PITPNC1: variants seen among roughly 807,000 people sequenced by gnomAD.
The protein encoded by PITPNC1 is cytoplasmic phosphatidylinositol transfer protein 1.
A neutral mutation model predicts 44.7 loss-of-function variants in PITPNC1; 18 were observed. The ratio of observed to expected loss-of-function variants is 0.40; its 90% CI spans 0.28 to 0.60. PITPNC1 has a LOEUF of 0.60. PITPNC1 is among the 20% of genes least tolerant of loss of function. The probability of loss-of-function intolerance (pLI) is 0.39; values close to 1 mark genes in which losing one functional copy is unlikely to be tolerated. For synonymous variants in PITPNC1, 141 were observed against 149.6 expected (o/e 0.94, Z 0.42); for missense variants, 290 against 418.4 (o/e 0.69, Z 2.68).
At chr17:67,507,683 CAAAA>C (rs59838492) in intron 1 of PITPNC1, among the ~76,000 whole-genome samples, 162 of 79,486 alleles carry the variant, frequency 2.0e-3, no homozygotes, top group African/African-American at 7.6e-3. Context: ...GACTTGGTCT[CAAAA>C]AAAAAAAAAA....
intron 4 of PITPNC1, among the ~76,000 whole-genome samples, chr17:67,560,006 A>G (rs369074390): frequency 6.6e-6 from 1 of 152,260 alleles, no homozygotes; most frequent in Non-Finnish European, 1.5e-5. Flanking sequence ...GAAGCAGTCT[A>G]GAACCATTTA....
At chr17:67,670,736 G>A (rs1162750741) in intron 7 of PITPNC1, among the ~76,000 whole-genome samples, 1 of 118,206 alleles carries the variant, frequency 8.5e-6, no homozygotes, top group African/African-American at 3.5e-5. Context: ...GGGTGACAGA[G>A]CAAGACTCCA....
intron 4 of PITPNC1, among the ~76,000 whole-genome samples, chr17:67,556,517 C>A (rs112210391): frequency 0.013 from 1,931 of 152,188 alleles, 34 homozygotes; most frequent in African/African-American, 0.045. Context: ...GTCTCAGAGA[C>A]TCAAGTACAA....
chr17:67,477,867 G>A (rs747709413), intron 1 of PITPNC1, among the ~76,000 whole-genome samples: 96 of 152,212 alleles, frequency 6.3e-4, no homozygotes, highest in Middle Eastern at 6.8e-3. Flanking sequence ...CTTGCTCATG[G>A]CCAGCTGAGT....
chr17:67,485,719 A>T (rs1293311383), intron 1 of PITPNC1, among the ~76,000 whole-genome samples: 2 of 152,172 alleles, frequency 1.3e-5, no homozygotes, highest in Admixed American at 1.3e-4. Context: ...GTTGAGGGAC[A>T]TTGGAACTAC....
chr17:67,448,811 G>C (rs1266157988), intron 1 of PITPNC1, among the ~76,000 whole-genome samples: 1 of 152,166 alleles, frequency 6.6e-6, no homozygotes, highest in Non-Finnish European at 1.5e-5. Context: ...ATGGGGTCTT[G>C]CTCTGTCACC....
chr17:67,632,325 A>T (rs1185311190), intron 6 of PITPNC1, 87 bp downstream of exon 6: 2 of 834,062 alleles, frequency 2.4e-6, no homozygotes, highest in Non-Finnish European at 4.1e-6. Context: ...ACTTGGGAGG[A>T]TGCCATCTCT....
chr17:67,503,290 G>A (rs2040059716), intron 1 of PITPNC1, among the ~76,000 whole-genome samples: 1 of 151,904 alleles, frequency 6.6e-6, no homozygotes, highest in Non-Finnish European at 1.5e-5. Flanking sequence ...GTAGGACTGG[G>A]TAAAAGGTGG....
chr17:67,674,839 C>A (rs2042574451), intron 7 of PITPNC1, among the ~76,000 whole-genome samples: 1 of 151,862 alleles, frequency 6.6e-6, no homozygotes, highest in Non-Finnish European at 1.5e-5. Context: ...TGGTGAAACC[C>A]CATCTCTATT....
chr17:67,415,446 T>C (rs1020728328), intron 1 of PITPNC1, among the ~76,000 whole-genome samples: 3 of 152,204 alleles, frequency 2.0e-5, no homozygotes, highest in Admixed American at 6.5e-5. Context: ...ATATTACCAG[T>C]CTAAGCCCCT....
At chr17:67,688,851 A>C (rs2042869644) in intron 8 of PITPNC1, among the ~76,000 whole-genome samples, 1 of 152,248 alleles carries the variant, frequency 6.6e-6, no homozygotes, top group Non-Finnish European at 1.5e-5. Flanking sequence ...ATTTTCTCAC[A>C]GCTTATAAGC....
At chr17:67,503,538 C>T (rs879861591) in intron 1 of PITPNC1, among the ~76,000 whole-genome samples, 2 of 152,112 alleles carry the variant, frequency 1.3e-5, no homozygotes, top group Non-Finnish European at 2.9e-5. Flanking sequence ...CAAGGGAAAA[C>T]TTACCCTTTG....
Position 67,407,143 on chromosome 17 carries a change from T to A in PITPNC1, c.48+28941T>A, listed in dbSNP as rs115270574. Among the ~76,000 whole-genome samples the A allele has an allele frequency of 3.8e-3, 579 of 152,328 alleles. 4 individuals carry two copies. The highest frequency in any genetic ancestry group is 0.013 in the African/African-American group (544 of 41,582). Reference sequence around the variant, plus strand: ...CATTCCCACCTACAGTGTACGATGGTTCCAATTTCTCTACATCCTGGCCAG... The same window carrying A: ...CATTCCCACCTACAGTGTACGATGGATCCAATTTCTCTACATCCTGGCCAG... On this transcript the variant is annotated intron_variant, in intron 1 of 8. Transcript: ENST00000581322.
chr17:67,591,143 CAAAA>C (rs925402128), intron 5 of PITPNC1, among the ~76,000 whole-genome samples: 8 of 152,018 alleles, frequency 5.3e-5, no homozygotes, highest in Non-Finnish European at 1.2e-4. Flanking sequence ...AACAAACAAA[CAAAA>C]AACCCATAAG....
chr17:67,561,241 A>G (rs540915613), intron 4 of PITPNC1, among the ~76,000 whole-genome samples: 1 of 152,216 alleles, frequency 6.6e-6, no homozygotes, highest in Non-Finnish European at 1.5e-5. Flanking sequence ...GGATCACTTG[A>G]GGTCAGGAGT....
intron 1 of PITPNC1, among the ~76,000 whole-genome samples, chr17:67,433,219 G>T (rs2038881865): frequency 6.6e-6 from 1 of 152,198 alleles, no homozygotes; most frequent in African/African-American, 2.4e-5. Context: ...TGCCAGGAAA[G>T]AATTTAGTTG....
Position 67,626,536 on chromosome 17 carries a change from A to T in PITPNC1, c.367-5607A>T, listed in dbSNP as rs565122882. ...AGGCACATGCCACCACACCCAGCTAATTTTTGTATTTTTAGTAGAGATGGG... is the reference window on the plus strand; with the variant it reads ...AGGCACATGCCACCACACCCAGCTATTTTTTGTATTTTTAGTAGAGATGGG... On this transcript the variant is annotated intron_variant, in intron 5 of 8. Coordinates refer to ENST00000581322, the MANE Select transcript of PITPNC1 (RefSeq NM_012417.4). 3.8e-3 allele frequency among the ~76,000 whole-genome samples: 581 copies of T among 152,080 alleles called. 1 individual carries two copies. The highest frequency in any genetic ancestry group is 0.013 in the African/African-American group (531 of 41,494).
At position 67,524,040 on chromosome 17, in the gene PITPNC1, G is replaced by C. The variant is rs532788127; in HGVS notation, c.49-8762G>C. 4.6e-4 allele frequency among the ~76,000 whole-genome samples: 70 copies of C among 152,106 alleles called. 1 individual carries two copies. The highest frequency in any genetic ancestry group is 6.8e-4 in the Non-Finnish European group (46 of 67,998). On this transcript the variant is annotated intron_variant, in intron 1 of 8. Transcript: ENST00000581322. ...TTGGCCAGGCTAGTCTTGAACTCCT[G>C]ACCTCGTGATCCACCCTCCTCGGCC...
At chr17:67,485,004 A>T (rs1257603468) in intron 1 of PITPNC1, among the ~76,000 whole-genome samples, 1 of 152,170 alleles carries the variant, frequency 6.6e-6, no homozygotes, top group Non-Finnish European at 1.5e-5. Flanking sequence ...TTGTGCCAAG[A>T]AAGTTGATTA....
Sources: gnomAD v4.1 joint callset for allele counts (sites outside exome capture counted in the v4.1 genomes callset) on GRCh38, gnomAD v4.1.1 for gene constraint, MANE v1.5 for transcripts, NCBI Gene and HGNC (gene_info 2026-07-23, HGNC 2026-07-21) for gene names.